CLGN: variants seen among roughly 807,000 people sequenced by gnomAD.
The protein encoded by CLGN is calmegin.
Under a neutral mutation model 79.1 loss-of-function variants are expected in CLGN, and 62 were observed. That is an observed-to-expected ratio of 0.78 (90% CI 0.64 to 0.97). The LOEUF is 0.97. Ranked by LOEUF, CLGN falls within the 50% of genes least tolerant of loss-of-function variation. CLGN has a pLI of 0.00. For missense variants in CLGN, 647 were observed against 715.5 expected (o/e 0.90, Z 1.09); for synonymous variants, 225 against 224.7 (o/e 1.00, Z -0.01).
At chr4:140,402,091 A>C in intron 5 of CLGN, 25 bp from the exon 6 acceptor site, 1 of 1,182,808 alleles carries the variant, frequency 8.5e-7, no homozygotes, top group Non-Finnish European at 1.2e-6. Context: ...AAAGAACCGT[A>C]CTACTGATAA....
Position 140,398,904 on chromosome 4 carries a change from T to A in CLGN, c.831A>T (p.Glu277Asp). 6.2e-7 allele frequency: 1 copy of A among 1,613,962 alleles called. No individual in the cohort carries two copies. The highest frequency in any genetic ancestry group is 8.5e-7 in the Non-Finnish European group (1 of 1,179,912). The change falls in exon 8 of 15, where the codon GAA becomes GAT. Residue 277 changes from glutamate to aspartate, a missense_variant. Glu to Asp is a conservative substitution (Grantham distance 45, BLOSUM62 2). Coordinates refer to ENST00000325617, the MANE Select transcript of CLGN (RefSeq NM_004362.3). ...IEDPNDKKPE[E>D]WDERAKIPDP... ...CAGGAATTTTTGCTCTTTCATCCCA[T>A]TCCTCAGGTTTTTTATCATTGGGAT...
intron 1 of CLGN, among the ~76,000 whole-genome samples, chr4:140,423,683 T>C (rs920669072): frequency 1.3e-5 from 2 of 152,210 alleles, no homozygotes; most frequent in Non-Finnish European, 2.9e-5. Context: ...AGTTTTTGTT[T>C]ACTGATTCAA....
chr4:140,425,163 T>C (rs1013368607), intron 1 of CLGN, among the ~76,000 whole-genome samples: 1 of 152,202 alleles, frequency 6.6e-6, no homozygotes, highest in Non-Finnish European at 1.5e-5. Flanking sequence ...TCCTTGGCAC[T>C]AGATGTGACC....
At chr4:140,414,015 C>G (rs1361422856) in intron 1 of CLGN, among the ~76,000 whole-genome samples, 5 of 152,236 alleles carry the variant, frequency 3.3e-5, no homozygotes, top group Non-Finnish European at 5.9e-5. Context: ...GATCTGAGAA[C>G]GGGCAGACTG....
At chr4:140,425,685 G>A (rs895436511) in intron 1 of CLGN, among the ~76,000 whole-genome samples, 11 of 138,518 alleles carry the variant, frequency 7.9e-5, no homozygotes, top group African/African-American at 3.0e-4. Context: ...CTGGAGTGCA[G>A]TGGCACAATC....
intron 14 of CLGN, among the ~76,000 whole-genome samples, chr4:140,390,125 A>G (rs1037389099): frequency 2.0e-5 from 3 of 151,842 alleles, no homozygotes; most frequent in Admixed American, 2.0e-4. Flanking sequence ...ATCAGGACAC[A>G]AAAAGGGGTA....
intron 1 of CLGN, among the ~76,000 whole-genome samples, chr4:140,422,849 T>C (rs1030649751): frequency 1.3e-5 from 2 of 152,138 alleles, no homozygotes; most frequent in African/African-American, 4.8e-5. Flanking sequence ...ACTCCTAGAC[T>C]CAACTGATCT....
rs397878452 is a variant in CLGN, at chr4:140,420,554, T to TAAA, written c.-10+6980_-10+6982dup. On this transcript the variant is annotated intron_variant, in intron 1 of 14. Coordinates refer to ENST00000325617, the MANE Select transcript of CLGN (RefSeq NM_004362.3). The stretch of plus-strand genomic sequence containing the variant: ...TATTGTTTTTATTTGTTCTTTTTTT[T>TAAA]AAAAAAAAAAATCAGAAATACAGAC... Among the ~76,000 whole-genome samples the TAAA allele has an allele frequency of 7.5e-4, 113 of 150,840 alleles. 1 individual carries two copies. Among genetic ancestry groups the TAAA allele is most frequent in the South Asian group, 6.3e-3 (30 of 4,786 alleles).
intron 1 of CLGN, among the ~76,000 whole-genome samples, chr4:140,413,763 G>A (rs1457503202): frequency 3.9e-5 from 6 of 152,202 alleles, no homozygotes; most frequent in South Asian, 2.1e-4. Context: ...ACTGCAAGGC[G>A]GCAGCGAGGC....
intron 1 of CLGN, among the ~76,000 whole-genome samples, chr4:140,426,398 A>G (rs936563113): frequency 1.3e-5 from 2 of 152,258 alleles, no homozygotes; most frequent in Non-Finnish European, 2.9e-5. Flanking sequence ...TTTACACACA[A>G]TAATTAACCT....
rs1432414811 is a variant in CLGN at position 140,414,995 on chromosome 4, G to A, written c.-9-1908C>T. Among the ~76,000 whole-genome samples, 50 of 151,376 alleles carry A rather than the reference G, an allele frequency of 3.3e-4. No individual in the cohort carries two copies. The East Asian group carries it at 6.8e-3, about 21-fold the overall frequency. On this transcript the variant is annotated intron_variant, in intron 1 of 14. Coordinates refer to ENST00000325617, the MANE Select transcript of CLGN (RefSeq NM_004362.3). ...AAGGGAAGCCCATCAGACTAACAGC[G>A]GATCTCTCAGCAGAAACCCTACAAG...
At chr4:140,412,478 TA>T (rs1729232464) in intron 2 of CLGN, among the ~76,000 whole-genome samples, 4 of 152,180 alleles carry the variant, frequency 2.6e-5, no homozygotes, top group Admixed American at 1.3e-4. Flanking sequence ...GAGTCAGGTT[TA>T]CTAAATGCCC....
chr4:140,403,739 C>T (rs1472871677), intron 5 of CLGN, among the ~76,000 whole-genome samples: 1 of 152,206 alleles, frequency 6.6e-6, no homozygotes, highest in Non-Finnish European at 1.5e-5. Flanking sequence ...ATTTCTTATA[C>T]TGCAAACTTT....
rs755309481 is a variant in CLGN, at chr4:140,413,090, G to A, written c.-9-3C>T. 1 of 1,601,678 alleles carries A rather than the reference G, an allele frequency of 6.2e-7. No individual in the cohort carries two copies. On this transcript the variant is annotated splice_region_variant and splice_polypyrimidine_tract_variant and intron_variant, in intron 1 of 14. Transcript: ENST00000325617. Reference sequence around the variant, plus strand: ...GCTTGGAAATGCATATTGATTATCTGTGAAATTAAAAGTAATTAGTGAAAA... The same window carrying A: ...GCTTGGAAATGCATATTGATTATCTATGAAATTAAAAGTAATTAGTGAAAA...
chr4:140,416,463 A>T (rs1729334164), intron 1 of CLGN, among the ~76,000 whole-genome samples: 1 of 151,694 alleles, frequency 6.6e-6, no homozygotes. Flanking sequence ...AGCAAGACTA[A>T]TAAAGAAAAA....
chr4:140,392,894 A>T (rs984901983), intron 11 of CLGN, among the ~76,000 whole-genome samples, 183 bp from the exon 12 acceptor site: 1 of 152,110 alleles, frequency 6.6e-6, no homozygotes, highest in African/African-American at 2.4e-5. Flanking sequence ...ATTAGCATGC[A>T]TCACTGAGTG....
At chr4:140,404,156 T>TGC (rs1729049418) in intron 5 of CLGN, among the ~76,000 whole-genome samples, 1 of 151,970 alleles carries the variant, frequency 6.6e-6, no homozygotes, top group Non-Finnish European at 1.5e-5. Context: ...TGCAGTGGCA[T>TGC]GATCTCGGCT....
At chr4:140,418,043 C>T (rs1459261792) in intron 1 of CLGN, among the ~76,000 whole-genome samples, 15 of 151,678 alleles carry the variant, frequency 9.9e-5, no homozygotes, top group South Asian at 6.3e-4. Context: ...TCAGAAATAA[C>T]GCCGCATATC....
intron 14 of CLGN, among the ~76,000 whole-genome samples, chr4:140,389,804 T>C (rs1397792335): frequency 6.6e-6 from 1 of 151,804 alleles, no homozygotes; most frequent in Admixed American, 6.6e-5. Context: ...TAGGAAAGAC[T>C]TAACAATAAT....
Sources: allele counts gnomAD v4.1 joint callset (sites outside exome capture counted in the v4.1 genomes callset), GRCh38; gene constraint gnomAD v4.1.1; transcripts MANE v1.5; gene names NCBI Gene and HGNC (gene_info 2026-07-23, HGNC 2026-07-21).